The following PCDHGB2 variants were observed in gnomAD, a reference collection of about 807,000 sequenced individuals.
PCDHGB2 encodes the protein protocadherin gamma-B2.
Under a neutral mutation model 59.3 loss-of-function variants are expected in PCDHGB2, and 55 were observed. The observed-to-expected ratio is 0.93, with a 90% CI of 0.75 to 1.16. PCDHGB2 has a LOEUF of 1.16. Among genes scored for constraint, PCDHGB2 ranks in the 50% most tolerant of loss-of-function variants. The pLI is 0.00. For missense variants in PCDHGB2, 1,228 were observed against 1,198.5 expected, an observed-to-expected ratio of 1.02 and a Z score of -0.36; for synonymous variants, 516 against 512.0, an observed-to-expected ratio of 1.01 and a Z score of -0.11.
intron 1 of PCDHGB2, chr5:141,385,418 A>C: frequency 6.8e-7 from 1 of 1,466,614 alleles, no homozygotes; most frequent in Non-Finnish European, 9.0e-7. Flanking sequence ...ATAGGGATTT[A>C]AAAAACTTTA....
intron 2 of PCDHGB2, among the ~76,000 whole-genome samples, chr5:141,495,094 C>T (rs1470702358): frequency 6.6e-6 from 1 of 152,156 alleles, no homozygotes; most frequent in African/African-American, 2.4e-5. Flanking sequence ...CTTCCCTCCT[C>T]GCCACGACCG....
chr5:141,379,889 C>CTTTTT lies in PCDHGB2; in HGVS notation c.2421+17359_2421+17363dup, dbSNP rs70988800. 5.8e-3 allele frequency among the ~76,000 whole-genome samples: 293 copies of CTTTTT among 50,830 alleles called. 35 individuals carry two copies. The highest frequency in any genetic ancestry group is 6.4e-3 in the African/African-American group (97 of 15,076). The allele number at this position is 50,830 out of a possible 152,430, so 33.3% of individuals were successfully genotyped here. A position where few individuals can be genotyped will look rare whatever the true frequency, so the allele number is the denominator to read the frequency against. On this transcript the variant is annotated intron_variant, in intron 1 of 3. Coordinates refer to ENST00000522605, the MANE Select transcript of PCDHGB2 (RefSeq NM_018923.3). ...CTTATTTTATGGTCTGTGAAAGCCTCTTTTTTTTTTTTTTTTTTTTTTTTT... is the reference window on the plus strand; with the variant it reads ...CTTATTTTATGGTCTGTGAAAGCCTCTTTTTTTTTTTTTTTTTTTTTTTTTTTTTT...
chr5:141,366,075 C>T (rs1373930718), intron 1 of PCDHGB2: 1 of 1,614,264 alleles, frequency 6.2e-7, no homozygotes, highest in Admixed American at 1.7e-5. Context: ...CCTCGCTCCG[C>T]AGAACCTGGC....
At chr5:141,482,755 T>TGA (rs1554165462) in intron 1 of PCDHGB2, among the ~76,000 whole-genome samples, 1 of 143,580 alleles carries the variant, frequency 7.0e-6, no homozygotes, top group Admixed American at 6.9e-5. Context: ...GGGATTATGG[T>TGA]ATTTCATTAT....
intron 1 of PCDHGB2, chr5:141,423,618 C>CT (rs1300844043): frequency 1.9e-6 from 3 of 1,608,282 alleles, no homozygotes; most frequent in Admixed American, 1.7e-5. Flanking sequence ...TAGCTGAAGA[C>CT]TCAGCTATCA....
At position 141,418,260 on chromosome 5, in the gene PCDHGB2, G is replaced by C. The variant is rs144490159; in HGVS notation, c.2421+55704G>C. On this transcript the variant is annotated intron_variant, in intron 1 of 3. Transcript: ENST00000522605. Reference sequence around the variant, plus strand: ...GTTAATGACCACGCCCCTCAATTCCGGAAAGATGAAATAAACTTAGAAATC... The same window carrying C: ...GTTAATGACCACGCCCCTCAATTCCCGAAAGATGAAATAAACTTAGAAATC... 2.5e-6 allele frequency: 4 copies of C among 1,613,888 alleles called. No individual in the cohort carries two copies. Among genetic ancestry groups the C allele is most frequent in the South Asian group, 1.1e-5 (1 of 91,088 alleles).
rs758409280 is a variant in PCDHGB2, at chr5:141,366,109, G to A, written c.2421+3553G>A. ...GCTACCTGGTGACCAAGGTGGTAGC[G>A]GTGGACAAAGATTCAGGCCAGAACG... On this transcript the variant is annotated intron_variant, in intron 1 of 3. Transcript: ENST00000522605. 1.4e-5 allele frequency: 23 copies of A among 1,614,104 alleles called. No individual in the cohort carries two copies. The Admixed American group carries it at 2.2e-4, about 15-fold the overall frequency.
chr5:141,499,457 T>G (rs1000400491), intron 2 of PCDHGB2, among the ~76,000 whole-genome samples: 1 of 152,214 alleles, frequency 6.6e-6, no homozygotes, highest in African/African-American at 2.4e-5. Context: ...CCCATCATTT[T>G]ACAATCTAGG....
In PCDHGB2 at chr5:141,475,307, T is replaced by C. The variant is rs527879991; in HGVS notation, c.2422-19500T>C. The stretch of plus-strand genomic sequence containing the variant: ...GGTAGGGAAATTTCTTATTGCTCCC[T>C]GGTTCTTAAGAAATGAGAGCTAACA... On this transcript the variant is annotated intron_variant, in intron 1 of 3. Transcript: ENST00000522605. 2.8e-4 allele frequency among the ~76,000 whole-genome samples: 43 copies of C among 152,348 alleles called. 1 individual carries two copies. Among genetic ancestry groups the C allele is most frequent in the Admixed American group, 8.5e-4 (13 of 15,298 alleles).
rs770391604 is a variant in PCDHGB2, at chr5:141,431,437, G to A, written c.2422-63370G>A. On this transcript the variant is annotated intron_variant, in intron 1 of 3. Coordinates refer to ENST00000522605, the MANE Select transcript of PCDHGB2 (RefSeq NM_018923.3). The surrounding 1 kb of genome is among the most constrained non-coding windows in gnomAD (Gnocchi z 4.8). ...GCGACCCGGTGCGCACAGGCACCGC[G>A]CGCATCCGCGTGATGGTTCTGGATG... The A allele has an allele frequency of 7.4e-6, 12 of 1,613,710 alleles. No homozygotes were observed. In the East Asian group the frequency reaches 2.5e-4, roughly 33 times the overall value.
At chr5:141,433,767 G>A (rs1237334342) in intron 1 of PCDHGB2, among the ~76,000 whole-genome samples, 1 of 151,532 alleles carries the variant, frequency 6.6e-6, no homozygotes, top group East Asian at 1.9e-4. Flanking sequence ...AACCTGGGAG[G>A]TGGAGGTTGC....
intron 2 of PCDHGB2, among the ~76,000 whole-genome samples, chr5:141,504,869 C>T (rs919109041): frequency 6.6e-6 from 1 of 152,134 alleles, no homozygotes; most frequent in Admixed American, 6.5e-5. Flanking sequence ...CCCACCTTCA[C>T]AGTCCTCTGG....
chr5:141,419,514 T>C (rs1180212485), intron 1 of PCDHGB2: 1 of 1,612,266 alleles, frequency 6.2e-7, no homozygotes, highest in Admixed American at 1.7e-5. Context: ...CGCGTGTTGG[T>C]GGGCGACCGT....
In PCDHGB2 at chr5:141,511,979, T is replaced by C. The variant is rs1205375941; in HGVS notation, c.*806T>C. ...AGGAAGGGAAGTGTGTGGATGTGGA[T>C]GGTGGGGGCATGGACAAAGCTTGAC... On this transcript the variant is annotated 3_prime_UTR_variant, in exon 4 of 4. Transcript: ENST00000522605. The C allele has an allele frequency of 6.5e-5, 10 of 153,278 alleles. No individual in the cohort carries two copies. The highest frequency in any genetic ancestry group is 1.5e-4 in the Non-Finnish European group (10 of 68,568). The allele number at this position is 153,278 out of a possible 1,614,324, so 9.5% of individuals were successfully genotyped here.
chr5:141,365,477 G>T, intron 1 of PCDHGB2: 2 of 1,613,994 alleles, frequency 1.2e-6, no homozygotes, highest in Non-Finnish European at 1.7e-6. Flanking sequence ...TGGTGAGATT[G>T]CATGCTCTAT....
chr5:141,511,082 C>T lies in PCDHGB2; in HGVS notation c.2705C>T (p.Thr902Ile). Residue 902 changes from threonine to isoleucine, a missense_variant, in exon 4 of 4, where the codon ACA (threonine) becomes ATA (isoleucine). By Grantham distance (89) the Thr-to-Ile change is moderately conservative. This residue lies in a region of PCDHGB2 where 433 missense variants were observed against 441.8 expected (regional missense o/e 0.98). Transcript: ENST00000522605. ...QNVYIPGSNA[T>I]LTNAAGKRDG... ...GTCTACATCCCAGGCAGCAATGCCA[C>T]ACTGACCAACGCAGCTGGCAAGCGG... 1 of 1,614,224 alleles carries T rather than the reference C, an allele frequency of 6.2e-7. No individual in the cohort carries two copies. Among genetic ancestry groups the T allele is most frequent in the Non-Finnish European group, 8.5e-7 (1 of 1,180,028 alleles).
intron 1 of PCDHGB2, chr5:141,478,647 T>G (rs2099469515): frequency 6.4e-7 from 1 of 1,552,152 alleles, no homozygotes; most frequent in Non-Finnish European, 8.7e-7. Flanking sequence ...GAAGATGTTT[T>G]CCTGGTGATG....
chr5:141,510,307 G>C (rs1250172295), intron 3 of PCDHGB2, among the ~76,000 whole-genome samples: 1 of 151,446 alleles, frequency 6.6e-6, no homozygotes, highest in African/African-American at 2.4e-5. Context: ...TTTTGAAATG[G>C]AGGCTTGGAA....
chr5:141,382,964 C>T (rs373652237), intron 1 of PCDHGB2: 3 of 1,608,120 alleles, frequency 1.9e-6, no homozygotes, highest in Non-Finnish European at 8.5e-7. Context: ...CTCCTGGGGA[C>T]CCCCTGGGAA....
Sources: allele counts gnomAD v4.1 joint callset (sites outside exome capture counted in the v4.1 genomes callset), GRCh38; gene constraint gnomAD v4.1.1; regional missense constraint gnomAD v4.1.1; non-coding constraint Gnocchi (gnomAD v3.1); transcripts MANE v1.5; gene names NCBI Gene and HGNC (gene_info 2026-07-23, HGNC 2026-07-21).